The following ZNF536 variants were observed in gnomAD, a reference collection of about 807,000 sequenced individuals.
ZNF536 encodes the protein zinc finger protein 536.
A neutral mutation model predicts 84.5 loss-of-function variants in ZNF536; 13 were observed. The observed-to-expected ratio is 0.15, with a 90% CI of 0.10 to 0.24. The LOEUF (loss-of-function observed/expected upper bound fraction) is 0.24, where lower values mean the gene tolerates loss of function less well. Ranked by LOEUF, ZNF536 falls within the 10% of genes least tolerant of loss-of-function variation. ZNF536 has a pLI of 1.00. For missense variants in ZNF536, 1,536 were observed against 1,747.5 expected (o/e 0.88, Z 2.16); for synonymous variants, 811 against 742.5 (o/e 1.09, Z -1.50).
In ZNF536 at chr19:30,282,348, G is replaced by A. The variant is rs1215657107; in HGVS notation, c.-189-1724G>A. On this transcript the variant is annotated intron_variant, in intron 1 of 5. Transcript: ENST00000585628. ...CCAATGTAGCCACGAGGCTTGTGCT[G>A]GGCCCTTTCATGATTTAGAGCATAG... Among the ~76,000 whole-genome samples, 3 of 152,230 alleles carry A rather than the reference G, an allele frequency of 2.0e-5. No homozygotes were observed. In the East Asian group the frequency reaches 5.8e-4, roughly 29 times the overall value.
intron 1 of ZNF536, among the ~76,000 whole-genome samples, chr19:30,596,016 A>C (rs1415030986): frequency 2.0e-5 from 3 of 152,166 alleles, no homozygotes; most frequent in Admixed American, 6.5e-5. Flanking sequence ...AGGCTCCAAG[A>C]GCATCCAAAA....
At chr19:30,227,506 C>G (rs2022680556), upstream of ZNF536, among the ~76,000 whole-genome samples, 1 of 152,172 alleles carries the variant, frequency 6.6e-6, no homozygotes, top group Admixed American at 6.5e-5. Flanking sequence ...TAACGGGTGC[C>G]TCGCCGGAGA....
chr19:30,534,838 T>A lies in ZNF536; in HGVS notation c.2171-9T>A. On this transcript the variant is annotated splice_polypyrimidine_tract_variant and intron_variant, in intron 2 of 4. Transcript: ENST00000355537. ...GAAGTGATGTGAGAACGTTTCTCCT[T>A]CGCTGCAGACATTGGCGAGGAGGCT... 3 of 1,607,308 alleles carry A rather than the reference T, an allele frequency of 1.9e-6. No homozygotes were observed. The highest frequency in any genetic ancestry group is 2.6e-6 in the Non-Finnish European group (3 of 1,175,960).
chr19:30,470,654 A>AG (rs2053594151), intron 2 of ZNF536, among the ~76,000 whole-genome samples: 1 of 149,134 alleles, frequency 6.7e-6, no homozygotes, highest in Admixed American at 6.7e-5. Flanking sequence ...ACAGTCTTTG[A>AG]GGAGTCCTGG....
chr19:30,239,788 G>T (rs12983955), intron 1 of ZNF536, among the ~76,000 whole-genome samples: 1 of 151,882 alleles, frequency 6.6e-6, no homozygotes, highest in Non-Finnish European at 1.5e-5. Flanking sequence ...TCCCTACCCC[G>T]CATCTCATTC....
At chr19:30,441,559 T>C (rs1480853636) in intron 1 of ZNF536, among the ~76,000 whole-genome samples, 1 of 152,130 alleles carries the variant, frequency 6.6e-6, no homozygotes, top group Non-Finnish European at 1.5e-5. Flanking sequence ...AGGATCTCGG[T>C]AAGTCTGTTG....
intron 1 of ZNF536, among the ~76,000 whole-genome samples, chr19:30,615,222 G>A (rs986032544): frequency 6.6e-6 from 1 of 151,612 alleles, no homozygotes; most frequent in Admixed American, 6.6e-5. Context: ...TGGGATTACA[G>A]GCGTGAGCCA....
chr19:30,401,979 G>A (rs140544379), intron 1 of ZNF536, among the ~76,000 whole-genome samples: 5 of 152,238 alleles, frequency 3.3e-5, no homozygotes, highest in East Asian at 1.9e-4. Flanking sequence ...ATGTTAATTG[G>A]TCCAACGAAC....
intron 2 of ZNF536, among the ~76,000 whole-genome samples, chr19:30,349,685 A>T (rs748947472): frequency 1.3e-5 from 2 of 151,590 alleles, no homozygotes; most frequent in African/African-American, 2.4e-5. Context: ...TCAGCCCTCG[A>T]CCCTGCCCTC....
Position 30,427,988 on chromosome 19 carries a change from T to A in ZNF536, c.-2-15573T>A, listed in dbSNP as rs567421158. On this transcript the variant is annotated intron_variant, in intron 1 of 4. Transcript: ENST00000355537. ...CTGGTTAGGAGTGACATTTTTGTGGTCACGAGCCAAATTTTGTTGCTTTTG... is the reference window on the plus strand; with the variant it reads ...CTGGTTAGGAGTGACATTTTTGTGGACACGAGCCAAATTTTGTTGCTTTTG... Among the ~76,000 whole-genome samples, 106 of 152,358 alleles carry A rather than the reference T, an allele frequency of 7.0e-4. 2 individuals carry two copies. Among genetic ancestry groups the A allele is most frequent in the African/African-American group, 2.5e-3 (104 of 41,588 alleles).
chr19:30,625,987 G>A (rs1011548339), intron 1 of ZNF536, among the ~76,000 whole-genome samples: 2 of 152,160 alleles, frequency 1.3e-5, no homozygotes, highest in Non-Finnish European at 2.9e-5. Context: ...CACACATGTG[G>A]GCAAGAGGTT....
At chr19:30,503,236 T>C (rs2055022367) in intron 2 of ZNF536, among the ~76,000 whole-genome samples, 1 of 152,130 alleles carries the variant, frequency 6.6e-6, no homozygotes, top group Non-Finnish European at 1.5e-5. Flanking sequence ...AAATGTTTGC[T>C]AAATACATGA....
At chr19:30,389,666 C>T (rs527972344) in intron 1 of ZNF536, among the ~76,000 whole-genome samples, 1 of 152,266 alleles carries the variant, frequency 6.6e-6, no homozygotes, top group South Asian at 2.1e-4. Context: ...GGTACTGGCC[C>T]AGAAAATGTC....
intron 1 of ZNF536, among the ~76,000 whole-genome samples, chr19:30,237,742 G>A (rs2023642979): frequency 6.6e-6 from 1 of 151,498 alleles, no homozygotes; most frequent in South Asian, 2.1e-4. Flanking sequence ...CACAGTCCAT[G>A]TGTGTTGCTT....
chr19:30,442,910 C>T (rs1330126218), intron 1 of ZNF536, among the ~76,000 whole-genome samples: 1 of 152,200 alleles, frequency 6.6e-6, no homozygotes, highest in Non-Finnish European at 1.5e-5. Context: ...TGAGATATTA[C>T]TGCACTTTTT....
At chr19:30,424,438 C>G (rs1010568166) in intron 1 of ZNF536, among the ~76,000 whole-genome samples, 1 of 152,186 alleles carries the variant, frequency 6.6e-6, no homozygotes. Context: ...CTGTCATGGA[C>G]AGCAGACTGG....
At chr19:30,360,695 G>A (rs1032962220) in intron 3 of ZNF536, among the ~76,000 whole-genome samples, 9 of 152,206 alleles carry the variant, frequency 5.9e-5, no homozygotes, top group Non-Finnish European at 1.3e-4. Flanking sequence ...CTCGGGGTCC[G>A]ACTTCCCAGG....
intron 1 of ZNF536, among the ~76,000 whole-genome samples, chr19:30,676,476 T>G (rs146494176): frequency 6.6e-6 from 1 of 152,348 alleles, no homozygotes; most frequent in East Asian, 1.9e-4. Flanking sequence ...TTTGCAAAAA[T>G]CCATTATAAC....
intron 2 of ZNF536, among the ~76,000 whole-genome samples, chr19:30,351,824 G>C (rs1413202413): frequency 2.0e-5 from 3 of 152,174 alleles, no homozygotes; most frequent in African/African-American, 7.2e-5. Context: ...TTGGTAAATG[G>C]TAAGTTTGAA....
Sources: allele counts gnomAD v4.1 joint callset (sites outside exome capture counted in the v4.1 genomes callset), GRCh38; gene constraint gnomAD v4.1.1; transcripts MANE v1.5; gene names NCBI Gene and HGNC (gene_info 2026-07-23, HGNC 2026-07-21).